TRPM7: variants seen among roughly 807,000 people sequenced by gnomAD.
TRPM7 encodes LTRPC ion channel family member 7.
In TRPM7, 134 loss-of-function variants were observed where a neutral mutation model predicts 229.7. The ratio of observed to expected loss-of-function variants is 0.58; its 90% CI spans 0.51 to 0.67. The LOEUF (loss-of-function observed/expected upper bound fraction) is 0.67, where lower values mean the gene tolerates loss of function less well. Among genes scored for constraint, TRPM7 ranks in the 30% least tolerant of loss-of-function variants. The pLI is 0.00. For missense variants in TRPM7, 1,901 were observed against 2,210.0 expected (o/e 0.86, Z 2.80); for synonymous variants, 699 against 715.2 (o/e 0.98, Z 0.36).
At chr15:50,608,015 A>G (rs2140454007) in intron 19 of TRPM7, among the ~76,000 whole-genome samples, 1 of 142,616 alleles carries the variant, frequency 7.0e-6, no homozygotes, top group Non-Finnish European at 1.5e-5. Context: ...AGATCATGCC[A>G]TTGTACTCTA....
chr15:50,676,989 C>T (rs1017874697), intron 1 of TRPM7, among the ~76,000 whole-genome samples: 2 of 152,176 alleles, frequency 1.3e-5, no homozygotes, highest in Non-Finnish European at 2.9e-5. Context: ...GTAGGAGAGA[C>T]AGTTTGGAGT....
At position 50,686,698 on chromosome 15, in the gene TRPM7, G is replaced by A; in HGVS notation, c.-165C>T. The stretch of plus-strand genomic sequence containing the variant: ...AACTAACTCAGCTCCGGCGCTAGCA[G>A]CAGAAGCCGAGTCTTTCATAATTGT... On this transcript the variant is annotated 5_prime_UTR_variant, in exon 1 of 39. Coordinates refer to ENST00000646667, the MANE Select transcript of TRPM7 (RefSeq NM_017672.6). 1 of 881,328 alleles carries A rather than the reference G, an allele frequency of 1.1e-6. No individual in the cohort carries two copies. The highest frequency in any genetic ancestry group is 3.0e-5 in the East Asian group (1 of 33,220). The allele number at this position is 881,328 out of a possible 1,614,324, so 54.6% of individuals were successfully genotyped here. A position where few individuals can be genotyped will look rare whatever the true frequency, so the allele number is the denominator to read the frequency against.
intron 21 of TRPM7, among the ~76,000 whole-genome samples, chr15:50,601,316 G>A (rs1326873709): frequency 6.6e-6 from 1 of 152,154 alleles, no homozygotes; most frequent in Non-Finnish European, 1.5e-5. Flanking sequence ...AAAAATATGT[G>A]AGTATCAGCT....
rs28575518 is a variant in TRPM7, at chr15:50,617,335, C to T, written c.1494+2410G>A. Among the ~76,000 whole-genome samples the T allele has an allele frequency of 1.6e-3, 114 of 69,662 alleles. 1 individual carries two copies. The highest frequency in any genetic ancestry group is 8.5e-3 in the Middle Eastern group (1 of 118). The allele number at this position is 69,662 out of a possible 152,430, so 45.7% of individuals were successfully genotyped here. On this transcript the variant is annotated intron_variant, in intron 13 of 38. Transcript: ENST00000646667. ...TGGGCAACAGACCAAGACTCCATCT[C>T]AAAAAAAAAAAAAACAAATCAGTCA...
At position 50,686,747 on chromosome 15, in the gene TRPM7, G is replaced by T; in HGVS notation, c.-214C>A. Reference sequence around the variant, plus strand: ...GTGCGACCAACTCCTCCGGGTGACTGGCCACAGGGACGCGCCCGCGCCCGC... The same window carrying T: ...GTGCGACCAACTCCTCCGGGTGACTTGCCACAGGGACGCGCCCGCGCCCGC... On this transcript the variant is annotated 5_prime_UTR_variant, in exon 1 of 39. Transcript: ENST00000646667. The T allele has an allele frequency of 3.5e-6, 2 of 569,850 alleles. No individual in the cohort carries two copies. The highest frequency in any genetic ancestry group is 5.7e-6 in the Non-Finnish European group (2 of 349,140). 35.3% of individuals were successfully genotyped at this position (569,850 alleles called of 1,614,324 possible).
chr15:50,588,107 C>G lies in TRPM7; in HGVS notation c.4389+1485G>C, dbSNP rs965851642. The G allele has an allele frequency of 4.4e-5, 19 of 436,732 alleles. 1 individual carries two copies. In the South Asian group the frequency reaches 6.8e-4, roughly 16 times the overall value. 27.1% of individuals were successfully genotyped at this position (436,732 alleles called of 1,614,324 possible). ...TAGTCTTATGATAGGTCCGCTGAAC[C>G]TACACCTATTTCCTCCATCTAAAAG... On this transcript the variant is annotated intron_variant, in intron 27 of 38. Transcript: ENST00000646667.
intron 36 of TRPM7, among the ~76,000 whole-genome samples, chr15:50,573,929 T>A (rs1435377611): frequency 1.3e-5 from 2 of 151,910 alleles, no homozygotes; most frequent in African/African-American, 4.8e-5. Flanking sequence ...TGGTGGCAGG[T>A]GCCTGTAATC....
At chr15:50,563,634 G>T (rs1041421533) in intron 38 of TRPM7, among the ~76,000 whole-genome samples, 6 of 152,216 alleles carry the variant, frequency 3.9e-5, no homozygotes, top group African/African-American at 7.2e-5. Context: ...CCATTAATAA[G>T]ATAGGGAAAC....
At chr15:50,617,130 A>AT (rs2060243484) in intron 13 of TRPM7, among the ~76,000 whole-genome samples, 1 of 128,190 alleles carries the variant, frequency 7.8e-6, no homozygotes, top group Non-Finnish European at 1.6e-5. Context: ...TCTCTACCAA[A>AT]AAAATAAATA....
chr15:50,612,657 G>A lies in TRPM7; in HGVS notation c.1943C>T (p.Ser648Leu). 6.2e-7 allele frequency: 1 copy of A among 1,614,094 alleles called. No homozygotes were observed. The highest frequency in any genetic ancestry group is 8.5e-7 in the Non-Finnish European group (1 of 1,180,020). The change falls in exon 16 of 39, where the codon TCA becomes TTA. Residue 648 changes from serine (S) to leucine (L), a missense_variant. Coordinates refer to ENST00000646667, the MANE Select transcript of TRPM7 (RefSeq NM_017672.6). ...ARFLWQHGEE[S>L]MAKALVACKI... is the part of the protein sequence containing the mutation. ...ACAGGCAACTAATGCTTTAGCCATTGATTCTTCACCATGTTGCCATAAAAA... is the reference window on the plus strand; with the variant it reads ...ACAGGCAACTAATGCTTTAGCCATTAATTCTTCACCATGTTGCCATAAAAA...
chr15:50,589,319 CAAAAA>C (rs34653276), intron 27 of TRPM7, among the ~76,000 whole-genome samples: 5 of 81,596 alleles, frequency 6.1e-5, no homozygotes, highest in South Asian at 9.7e-4. Flanking sequence ...GACTCCGTCT[CAAAAA>C]AAAAAAAAAA....
chr15:50,587,666 T>C (rs1282415024), intron 27 of TRPM7, among the ~76,000 whole-genome samples: 1 of 152,208 alleles, frequency 6.6e-6, no homozygotes, highest in Non-Finnish European at 1.5e-5. Context: ...TTTTATGTCT[T>C]ACTTCTATCA....
chr15:50,667,334 C>A lies in TRPM7; in HGVS notation c.4-4288G>T, dbSNP rs921653757. On this transcript the variant is annotated intron_variant, in intron 1 of 38. Transcript: ENST00000646667. The stretch of plus-strand genomic sequence containing the variant: ...AATTGGCAAATGAAAGACCTTACAA[C>A]TGATGGATCTCCCGCCTATGTATTT... 3.9e-5 allele frequency among the ~76,000 whole-genome samples: 6 copies of A among 152,300 alleles called. No individual in the cohort carries two copies. In the East Asian group the frequency reaches 1.2e-3, roughly 29 times the overall value.
At chr15:50,606,498 A>C (rs4775893) in intron 20 of TRPM7, among the ~76,000 whole-genome samples, 1 of 151,764 alleles carries the variant, frequency 6.6e-6, no homozygotes, top group Non-Finnish European at 1.5e-5. Flanking sequence ...AAAAGACCTA[A>C]CTATTTTATT....
intron 5 of TRPM7, 38 bp downstream of exon 5, chr15:50,643,302 A>G (rs369614681): frequency 2.0e-4 from 310 of 1,566,478 alleles, no homozygotes; most frequent in Non-Finnish European, 2.5e-4. Flanking sequence ...AAAAAAATTA[A>G]AACACACTAA....
chr15:50,643,700 G>A, intron 4 of TRPM7, 147 bp from the exon 5 acceptor site: 3 of 606,694 alleles, frequency 4.9e-6, no homozygotes, highest in South Asian at 2.2e-5. Context: ...TATACTCCAA[G>A]GAATAAGCAA....
At chr15:50,663,102 A>G in intron 1 of TRPM7, 56 bp from the exon 2 acceptor site, 1 of 1,349,876 alleles carries the variant, frequency 7.4e-7, no homozygotes. Context: ...AATAAGAAGG[A>G]AACAATTTCA....
At chr15:50,636,461 G>A (rs1371382083) in intron 7 of TRPM7, among the ~76,000 whole-genome samples, 4 of 152,132 alleles carry the variant, frequency 2.6e-5, no homozygotes, top group Non-Finnish European at 5.9e-5. Flanking sequence ...AAAGTGCTGC[G>A]ATTATAGGCA....
intron 26 of TRPM7, among the ~76,000 whole-genome samples, chr15:50,591,600 A>G (rs1199777613): frequency 6.6e-6 from 1 of 151,676 alleles, no homozygotes; most frequent in Non-Finnish European, 1.5e-5. Context: ...GGGTGCAAGC[A>G]GTTCGCCTGC....
Sources: allele counts gnomAD v4.1 joint callset (sites outside exome capture counted in the v4.1 genomes callset), GRCh38; gene constraint gnomAD v4.1.1; transcripts MANE v1.5; gene names NCBI Gene and HGNC (gene_info 2026-07-23, HGNC 2026-07-21).